The following DIP2C variants were observed in gnomAD, a reference collection of about 807,000 sequenced individuals.
DIP2C encodes disco-interacting protein 2 homolog C.
DIP2C carries 33 observed loss-of-function variants against 192.4 expected under a neutral mutation model. The observed-to-expected ratio is 0.17, with a 90% CI of 0.13 to 0.23. DIP2C has a LOEUF of 0.23. DIP2C is among the 10% of genes least tolerant of loss of function. DIP2C has a pLI of 1.00. For synonymous variants in DIP2C, 979 were observed against 864.1 expected, an observed-to-expected ratio of 1.13 and a Z score of -2.33; for missense variants, 1,537 against 2,110.1, an observed-to-expected ratio of 0.73 and a Z score of 5.32.
intron 1 of DIP2C, among the ~76,000 whole-genome samples, chr10:506,422 T>C (rs1289831743): frequency 6.6e-6 from 1 of 152,108 alleles, no homozygotes; most frequent in East Asian, 1.9e-4. Flanking sequence ...TCTCAGTGTG[T>C]GTAGCCCTGG....
chr10:597,254 C>G (rs994933328), intron 1 of DIP2C, among the ~76,000 whole-genome samples: 2 of 152,186 alleles, frequency 1.3e-5, no homozygotes, highest in African/African-American at 4.8e-5. Context: ...GCTTCTCAAG[C>G]CTTTGAGCCA....
intron 17 of DIP2C, among the ~76,000 whole-genome samples, chr10:377,337 G>A (rs918675127): frequency 6.6e-6 from 1 of 152,192 alleles, no homozygotes; most frequent in Non-Finnish European, 1.5e-5. Context: ...CCATCTTCCC[G>A]CTGCACCTCC....
intron 4 of DIP2C, among the ~76,000 whole-genome samples, chr10:428,963 C>CGAG (rs1966765376): frequency 1.3e-5 from 2 of 152,096 alleles, no homozygotes; most frequent in African/African-American, 4.8e-5. Context: ...TTTCCAACTC[C>CGAG]ACATGTGCAC....
intron 31 of DIP2C, among the ~76,000 whole-genome samples, chr10:321,102 G>C (rs920166602): frequency 1.3e-5 from 2 of 152,236 alleles, no homozygotes; most frequent in African/African-American, 4.8e-5. Flanking sequence ...GGGAGGACCA[G>C]AGTGCCACTG....
chr10:470,857 C>CA (rs2133435612), intron 3 of DIP2C, among the ~76,000 whole-genome samples: 1 of 152,300 alleles, frequency 6.6e-6, no homozygotes, highest in East Asian at 1.9e-4. Flanking sequence ...GATAGACCCC[C>CA]ACTGGCCTCT....
chr10:679,692 C>G (rs1042240626), intron 1 of DIP2C, among the ~76,000 whole-genome samples: 1 of 150,158 alleles, frequency 6.7e-6, no homozygotes, highest in Non-Finnish European at 1.5e-5. Flanking sequence ...CCACACATAT[C>G]TGTGCTCCCC....
At chr10:297,274 A>ACACG in intron 32 of DIP2C, among the ~76,000 whole-genome samples, 1 of 114,556 alleles carries the variant, frequency 8.7e-6, no homozygotes, top group East Asian at 3.3e-4. Context: ...ACACACACAC[A>ACACG]CCAAACTACG....
At position 689,487 on chromosome 10, in the gene DIP2C, C is replaced by G. The variant is rs747737402; in HGVS notation, c.85+7G>C. Reference sequence around the variant, plus strand: ...CGCGGCCCGGCCCGGGGCGGGGGCCCGGTTACCTTCCGACAGCTCCAGCTC... The same window carrying G: ...CGCGGCCCGGCCCGGGGCGGGGGCCGGGTTACCTTCCGACAGCTCCAGCTC... On this transcript the variant is annotated splice_region_variant and intron_variant, in intron 1 of 36. Transcript: ENST00000280886. This position sits in a 1 kb window ranked among gnomAD's most constrained non-coding sequence, Gnocchi z 6.1. The G allele has an allele frequency of 2.4e-6, 3 of 1,227,990 alleles. No individual in the cohort carries two copies. The highest frequency in any genetic ancestry group is 1.6e-5 in the African/African-American group (1 of 62,052). 76.1% of individuals were successfully genotyped at this position (1,227,990 alleles called of 1,614,324 possible).
chr10:573,663 G>A (rs1849963584), intron 1 of DIP2C, among the ~76,000 whole-genome samples: 1 of 152,176 alleles, frequency 6.6e-6, no homozygotes, highest in South Asian at 2.1e-4. Context: ...GCCCGCCTCG[G>A]CCTCCCAAAG....
At chr10:600,369 C>G (rs895189130) in intron 1 of DIP2C, among the ~76,000 whole-genome samples, 6 of 151,988 alleles carry the variant, frequency 3.9e-5, no homozygotes, top group Admixed American at 3.3e-4. Context: ...ATAAGAGTGT[C>G]CCAAAGCCTG....
In DIP2C at chr10:541,226, C is replaced by T. The variant is rs552283764; in HGVS notation, c.86-54696G>A. On this transcript the variant is annotated intron_variant, in intron 1 of 36. Transcript: ENST00000280886. ...CATGGACCCTGAGTCCGGCCACCAC[C>T]GCCGACATCCACTCTGGCTGAGGTG... 1.9e-4 allele frequency among the ~76,000 whole-genome samples: 29 copies of T among 152,298 alleles called. No homozygotes were observed. In the South Asian group the frequency reaches 2.3e-3, roughly 12 times the overall value.
At chr10:434,582 CCTTT>C (rs1325386121) in intron 4 of DIP2C, among the ~76,000 whole-genome samples, 4 of 152,226 alleles carry the variant, frequency 2.6e-5, no homozygotes, top group Non-Finnish European at 5.9e-5. Context: ...CTCTGCTCTT[CCTTT>C]CTTTATGCAC....
intron 14 of DIP2C, among the ~76,000 whole-genome samples, chr10:385,132 T>C (rs1185969992): frequency 1.9e-4 from 26 of 137,328 alleles, no homozygotes; most frequent in Non-Finnish European, 1.7e-4. Flanking sequence ...TGGAGCACCG[T>C]GGACGCCAGG....
chr10:415,814 G>A lies in DIP2C; in HGVS notation c.814C>T (p.Pro272Ser). ...VNTLKRPKRP[P>S]LREFFVDDFE... ...TCATCGACAAAGAATTCTCGTAAAG[G>A]TGGTCGTTTCGGTCGTTTGAGGGTA... Residue 272 changes from proline to serine, a missense_variant, in exon 7 of 37, where the codon CCT (proline) becomes TCT (serine). Coordinates refer to ENST00000280886, the MANE Select transcript of DIP2C (RefSeq NM_014974.3). The A allele has an allele frequency of 6.2e-7, 1 of 1,613,950 alleles. No individual in the cohort carries two copies. The highest frequency in any genetic ancestry group is 8.5e-7 in the Non-Finnish European group (1 of 1,179,998).
chr10:584,111 C>T (rs1299352595), intron 1 of DIP2C, among the ~76,000 whole-genome samples: 1 of 152,148 alleles, frequency 6.6e-6, no homozygotes, highest in African/African-American at 2.4e-5. Context: ...TGAAGTCTCC[C>T]CAGGGCTGAG....
At chr10:446,440 T>G (rs1968225945) in intron 3 of DIP2C, among the ~76,000 whole-genome samples, 1 of 152,244 alleles carries the variant, frequency 6.6e-6, no homozygotes, top group Admixed American at 6.5e-5. Flanking sequence ...TTGTGAAGAG[T>G]GTATCTTGCA....
At chr10:369,277 A>T (rs1960671448) in intron 18 of DIP2C, among the ~76,000 whole-genome samples, 1 of 152,154 alleles carries the variant, frequency 6.6e-6, no homozygotes, top group Non-Finnish European at 1.5e-5. Context: ...CAGTGTGCAA[A>T]GCTGCCCTTC....
At chr10:493,319 T>C (rs1008425473) in intron 1 of DIP2C, among the ~76,000 whole-genome samples, 3 of 152,222 alleles carry the variant, frequency 2.0e-5, no homozygotes, top group African/African-American at 4.8e-5. Flanking sequence ...GAAAGACAGC[T>C]CTGAGAAGAC....
chr10:568,013 C>T (rs1445812784), intron 1 of DIP2C, among the ~76,000 whole-genome samples: 1 of 152,214 alleles, frequency 6.6e-6, no homozygotes, highest in Non-Finnish European at 1.5e-5. Flanking sequence ...ACACCGACTA[C>T]AACACTCGAA....
Sources: gnomAD v4.1 joint callset for allele counts (sites outside exome capture counted in the v4.1 genomes callset) on GRCh38, gnomAD v4.1.1 for gene constraint, Gnocchi (gnomAD v3.1) non-coding constraint, MANE v1.5 for transcripts, NCBI Gene and HGNC (gene_info 2026-07-23, HGNC 2026-07-21) for gene names.